The following FAM168A variants were observed in gnomAD, a reference collection of about 807,000 sequenced individuals.
The protein encoded by FAM168A is protein FAM168A.
In FAM168A, 3 loss-of-function variants were observed where a neutral mutation model predicts 28.5. That is an observed-to-expected ratio of 0.11 (90% CI 0.05 to 0.27). The LOEUF (loss-of-function observed/expected upper bound fraction) is 0.27. Among genes scored for constraint, FAM168A ranks in the 10% least tolerant of loss-of-function variants. The pLI is 1.00. For missense variants in FAM168A, 222 were observed against 311.5 expected (o/e 0.71, Z 2.16); for synonymous variants, 122 against 124.2 (o/e 0.98, Z 0.12).
intron 1 of FAM168A, among the ~76,000 whole-genome samples, chr11:73,531,802 C>CTT (rs35314829): frequency 0.015 from 1,801 of 121,774 alleles, 111 homozygotes; most frequent in African/African-American, 0.055. Context: ...CCAAGTATCA[C>CTT]TTTTTTTTTT....
intron 1 of FAM168A, among the ~76,000 whole-genome samples, chr11:73,594,527 T>G (rs1367218219): frequency 6.7e-6 from 1 of 149,080 alleles, no homozygotes; most frequent in Admixed American, 6.6e-5. Context: ...ATATGAAAGG[T>G]TTTTTGTTTG....
chr11:73,569,233 G>A (rs929112521), intron 1 of FAM168A, among the ~76,000 whole-genome samples: 12 of 152,034 alleles, frequency 7.9e-5, no homozygotes, highest in East Asian at 5.8e-4. Flanking sequence ...TTTTAGTATC[G>A]CCACTCTTTA....
At chr11:73,474,165 C>A (rs1191841714) in intron 1 of FAM168A, among the ~76,000 whole-genome samples, 1 of 151,948 alleles carries the variant, frequency 6.6e-6, no homozygotes, top group Admixed American at 6.6e-5. Flanking sequence ...AACAGAATAG[C>A]TGAGACTAGG....
intron 1 of FAM168A, among the ~76,000 whole-genome samples, chr11:73,515,892 G>C (rs1209384313): frequency 6.6e-6 from 1 of 152,022 alleles, no homozygotes. Flanking sequence ...CACAAGGTCA[G>C]GAGATCGAGA....
At chr11:73,546,220 T>C (rs1233164651) in intron 1 of FAM168A, among the ~76,000 whole-genome samples, 2 of 152,206 alleles carry the variant, frequency 1.3e-5, no homozygotes, top group Admixed American at 1.3e-4. Context: ...ATTTAATTAT[T>C]TGGTCAGCAG....
chr11:73,426,820 C>T (rs1565239280), intron 3 of FAM168A, among the ~76,000 whole-genome samples: 1 of 151,684 alleles, frequency 6.6e-6, no homozygotes, highest in African/African-American at 2.4e-5. Context: ...CTTTCAACTC[C>T]GAGTTTGGGG....
chr11:73,435,246 T>C (rs1867067144), intron 2 of FAM168A, among the ~76,000 whole-genome samples: 2 of 152,254 alleles, frequency 1.3e-5, no homozygotes, highest in Admixed American at 6.5e-5. Context: ...TAATTAGCAA[T>C]CTGGAGGTGT....
At chr11:73,558,439 A>C (rs2134701334) in intron 1 of FAM168A, among the ~76,000 whole-genome samples, 1 of 149,608 alleles carries the variant, frequency 6.7e-6, no homozygotes, top group South Asian at 2.1e-4. Context: ...ACTGTACTCC[A>C]ACCTGGGCAA....
chr11:73,505,380 A>G (rs895576528), intron 1 of FAM168A, among the ~76,000 whole-genome samples: 1 of 152,182 alleles, frequency 6.6e-6, no homozygotes, highest in Non-Finnish European at 1.5e-5. Flanking sequence ...AATGACCATA[A>G]TAATAGTACT....
chr11:73,443,359 G>C (rs1867240009), intron 2 of FAM168A, among the ~76,000 whole-genome samples: 2 of 152,122 alleles, frequency 1.3e-5, no homozygotes, highest in African/African-American at 4.8e-5. Context: ...CATAATTCTT[G>C]CCCTCCGTGA....
At chr11:73,500,337 C>A (rs985562280) in intron 1 of FAM168A, among the ~76,000 whole-genome samples, 24 of 150,222 alleles carry the variant, frequency 1.6e-4, no homozygotes, top group African/African-American at 5.6e-4. Flanking sequence ...CAGCTCACTG[C>A]AACCTCTGCC....
intron 4 of FAM168A, 94 bp from the exon 5 acceptor site, chr11:73,411,630 T>C (rs1866612913): frequency 8.4e-6 from 11 of 1,314,388 alleles, no homozygotes; most frequent in South Asian, 2.5e-5. Context: ...CAGACAAAGA[T>C]GGGCTGAATC....
intron 2 of FAM168A, among the ~76,000 whole-genome samples, chr11:73,461,362 C>T (rs956921616): frequency 6.6e-6 from 1 of 152,140 alleles, no homozygotes; most frequent in Non-Finnish European, 1.5e-5. Flanking sequence ...AAGAGATCCT[C>T]CCCCATCAGC....
intron 1 of FAM168A, among the ~76,000 whole-genome samples, chr11:73,479,401 CTA>C (rs33926121): frequency 0.25 from 38,118 of 151,938 alleles, 5,181 homozygotes; most frequent in South Asian, 0.35. Context: ...GTCATTTGAT[CTA>C]TGTTTTAAAG....
At chr11:73,496,621 C>T (rs1758517202) in intron 1 of FAM168A, among the ~76,000 whole-genome samples, 1 of 152,150 alleles carries the variant, frequency 6.6e-6, no homozygotes, top group South Asian at 2.1e-4. Context: ...AGTGCAGTGG[C>T]GCGATCTCGG....
chr11:73,480,523 T>C (rs780382289), intron 1 of FAM168A, among the ~76,000 whole-genome samples: 36 of 152,008 alleles, frequency 2.4e-4, no homozygotes, highest in Non-Finnish European at 5.9e-5. Flanking sequence ...CATCTTTTAG[T>C]GGGGAAATAG....
intron 1 of FAM168A, among the ~76,000 whole-genome samples, chr11:73,566,852 A>G (rs769003799): frequency 6.6e-6 from 1 of 152,250 alleles, no homozygotes; most frequent in Non-Finnish European, 1.5e-5. Flanking sequence ...AAAACAGTCA[A>G]TTCTACCTGG....
chr11:73,505,584 G>T (rs1452959246), intron 1 of FAM168A, among the ~76,000 whole-genome samples: 1 of 152,088 alleles, frequency 6.6e-6, no homozygotes, highest in Non-Finnish European at 1.5e-5. Flanking sequence ...AATAAAAGAA[G>T]GGCAAAGGGA....
At chr11:73,523,834 C>T (rs149890109) in intron 1 of FAM168A, among the ~76,000 whole-genome samples, 1 of 149,346 alleles carries the variant, frequency 6.7e-6, no homozygotes, top group Non-Finnish European at 1.5e-5. Flanking sequence ...TTTTGAGATA[C>T]TGCATATCTG....
Sources: gnomAD v4.1 joint callset for allele counts (sites outside exome capture counted in the v4.1 genomes callset) on GRCh38, gnomAD v4.1.1 for gene constraint, MANE v1.5 for transcripts, NCBI Gene and HGNC (gene_info 2026-07-23, HGNC 2026-07-21) for gene names.